The following PTPN2 variants were observed in gnomAD, a reference collection of about 807,000 sequenced individuals.
The protein encoded by PTPN2 is protein tyrosine phosphatase non-receptor type 2.
In PTPN2, 19 loss-of-function variants were observed where a neutral mutation model predicts 57.3. The observed-to-expected ratio is 0.33, with a 90% CI of 0.23 to 0.49. The LOEUF (loss-of-function observed/expected upper bound fraction) is 0.49. PTPN2 is among the 20% of genes least tolerant of loss of function. The pLI is 0.99. For synonymous variants in PTPN2, 153 were observed against 164.9 expected, an observed-to-expected ratio of 0.93 and a Z score of 0.55; for missense variants, 358 against 501.1, an observed-to-expected ratio of 0.71 and a Z score of 2.73.
chr18:12,882,254 C>T (rs1447341303), intron 1 of PTPN2, among the ~76,000 whole-genome samples: 1 of 152,194 alleles, frequency 6.6e-6, no homozygotes, highest in Non-Finnish European at 1.5e-5. Context: ...AACTAATGGT[C>T]TTGTTTTCAA....
At chr18:12,843,531 G>C (rs946358669) in intron 2 of PTPN2, among the ~76,000 whole-genome samples, 5 of 152,146 alleles carry the variant, frequency 3.3e-5, no homozygotes, top group Non-Finnish European at 5.9e-5. Context: ...TCCACCCAGC[G>C]TAAGTGCTCT....
Position 12,834,250 on chromosome 18 carries a change from C to A in PTPN2, c.261+2541G>T, listed in dbSNP as rs190405566. 3.2e-3 allele frequency among the ~76,000 whole-genome samples: 491 copies of A among 151,330 alleles called. 4 individuals are homozygous for A. Among genetic ancestry groups the A allele is most frequent in the African/African-American group, 0.011 (445 of 41,218 alleles). On this transcript the variant is annotated intron_variant, in intron 3 of 8. Coordinates refer to ENST00000309660, the MANE Select transcript of PTPN2 (RefSeq NM_002828.4). ...GCTGAAGCACGAGAATCACTTGAAC[C>A]CGGGAGGAGGAGGTTGTAGTGAGCT...
In PTPN2 at chr18:12,855,354, G is replaced by A. The variant is rs2043550415; in HGVS notation, c.160+3810C>T. The stretch of plus-strand genomic sequence containing the variant: ...ACCATATTTATACAAAAGAGAAGAA[G>A]TTATGAGATAGAAAGAGGCTGAAAA... On this transcript the variant is annotated intron_variant, in intron 2 of 8. Coordinates refer to ENST00000309660, the MANE Select transcript of PTPN2 (RefSeq NM_002828.4). Among the ~76,000 whole-genome samples the A allele has an allele frequency of 2.6e-5, 4 of 151,982 alleles. No individual in the cohort carries two copies. The South Asian group carries it at 8.3e-4, about 32-fold the overall frequency.
chr18:12,785,609 CACTT>C (rs2040828265), exon 10 of PTPN2: 1 of 611,460 alleles, frequency 1.6e-6, no homozygotes, highest in Non-Finnish European at 2.9e-6. Flanking sequence ...TCATTAAAAA[CACTT>C]AACACATCCA....
At chr18:12,806,311 G>C (rs1037289211) in intron 7 of PTPN2, among the ~76,000 whole-genome samples, 1 of 151,904 alleles carries the variant, frequency 6.6e-6, no homozygotes, top group African/African-American at 2.4e-5. Flanking sequence ...AAGTTGAAGA[G>C]GACACAAATG....
intron 5 of PTPN2, among the ~76,000 whole-genome samples, chr18:12,820,489 G>C (rs571453381): frequency 6.6e-6 from 1 of 151,932 alleles, no homozygotes; most frequent in Non-Finnish European, 1.5e-5. Context: ...AAATGAGAGG[G>C]GAAAAAAAGG....
intron 1 of PTPN2, among the ~76,000 whole-genome samples, chr18:12,867,969 G>C (rs1195956226): frequency 1.3e-5 from 2 of 152,242 alleles, no homozygotes; most frequent in East Asian, 3.9e-4. Context: ...AACAACATAT[G>C]TTTGGTCATC....
intron 2 of PTPN2, 133 bp from the exon 3 acceptor site, chr18:12,837,024 A>T: frequency 1.6e-6 from 1 of 619,632 alleles, no homozygotes; most frequent in Non-Finnish European, 2.8e-6. Flanking sequence ...TAGAGTTGAG[A>T]CAAATCCTAA....
At chr18:12,855,787 G>A (rs906493856) in intron 2 of PTPN2, among the ~76,000 whole-genome samples, 4 of 152,070 alleles carry the variant, frequency 2.6e-5, no homozygotes, top group African/African-American at 9.7e-5. Flanking sequence ...CTAAGTTGGA[G>A]CTTCACAAAA....
chr18:12,862,926 A>T (rs929618047), intron 1 of PTPN2, among the ~76,000 whole-genome samples: 1 of 152,024 alleles, frequency 6.6e-6, no homozygotes, highest in African/African-American at 2.4e-5. Context: ...TAATATACGC[A>T]GCAAAACCAA....
intron 5 of PTPN2, among the ~76,000 whole-genome samples, chr18:12,820,659 C>T (rs1014016077): frequency 6.6e-6 from 1 of 152,192 alleles, no homozygotes; most frequent in Non-Finnish European, 1.5e-5. Flanking sequence ...CCTCTGGTCC[C>T]CAGCTGCTGC....
At chr18:12,828,952 C>T (rs1381809690) in intron 4 of PTPN2, among the ~76,000 whole-genome samples, 2 of 152,072 alleles carry the variant, frequency 1.3e-5, no homozygotes, top group African/African-American at 4.8e-5. Flanking sequence ...GGCTGGAGTG[C>T]AGTGGCACGA....
At chr18:12,842,736 C>G (rs2043085209) in intron 2 of PTPN2, among the ~76,000 whole-genome samples, 1 of 152,184 alleles carries the variant, frequency 6.6e-6, no homozygotes, top group Non-Finnish European at 1.5e-5. Flanking sequence ...TTCATTTCTC[C>G]TAAATTTGAC....
chr18:12,871,203 A>C (rs748068760), intron 1 of PTPN2, among the ~76,000 whole-genome samples: 3 of 152,226 alleles, frequency 2.0e-5, no homozygotes, highest in Non-Finnish European at 4.4e-5. Context: ...AGTCATCTAT[A>C]ATGGGACACA....
At position 12,884,123 on chromosome 18, in the gene PTPN2, G is replaced by T. The variant is rs1226346253; in HGVS notation, c.19C>A (p.Arg7=). MPTTIE[R]EFEELDTQRR... ...TGAGTATCCAACTCTTCGAACTCCC[G>T]CTCGATGGTGGTGGGCATGGCTGCG... The change falls in exon 1 of 9, where the codon CGG becomes AGG. Residue 7 remains arginine, a synonymous_variant. Transcript: ENST00000309660. The T allele has an allele frequency of 6.3e-7, 1 of 1,587,610 alleles. No homozygotes were observed. The highest frequency in any genetic ancestry group is 1.1e-5 in the South Asian group (1 of 87,384).
chr18:12,788,587 T>C (rs1473069484), downstream of PTPN2, among the ~76,000 whole-genome samples: 5 of 151,754 alleles, frequency 3.3e-5, no homozygotes, highest in Non-Finnish European at 7.4e-5. Flanking sequence ...CAGGGCTCTT[T>C]GAAATGTTTT....
chr18:12,842,865 T>G (rs958617967), intron 2 of PTPN2, among the ~76,000 whole-genome samples: 1 of 152,164 alleles, frequency 6.6e-6, no homozygotes, highest in Non-Finnish European at 1.5e-5. Flanking sequence ...CCAGAAGATT[T>G]TCACATATTC....
chr18:12,851,934 T>C (rs1429419598), intron 2 of PTPN2, among the ~76,000 whole-genome samples: 1 of 152,026 alleles, frequency 6.6e-6, no homozygotes, highest in Non-Finnish European at 1.5e-5. Context: ...TCAAATGAAA[T>C]AAACCAGTCG....
chr18:12,860,760 C>T (rs2043777944), intron 1 of PTPN2, among the ~76,000 whole-genome samples: 1 of 148,806 alleles, frequency 6.7e-6, no homozygotes. Flanking sequence ...ATCCTAGGCG[C>T]CTTCGGGTTC....
Sources: allele counts gnomAD v4.1 joint callset (sites outside exome capture counted in the v4.1 genomes callset), GRCh38; gene constraint gnomAD v4.1.1; transcripts MANE v1.5; gene names NCBI Gene and HGNC (gene_info 2026-07-23, HGNC 2026-07-21).